VGLL4: variants seen among roughly 807,000 people sequenced by gnomAD.
VGLL4 encodes the protein transcription cofactor vestigial-like protein 4.
VGLL4 carries 7 observed loss-of-function variants against 21.0 expected under a neutral mutation model. That is an observed-to-expected ratio of 0.33 (90% CI 0.19 to 0.63). The LOEUF is 0.63. VGLL4 is among the 20% of genes least tolerant of loss of function. VGLL4 has a pLI of 0.78. For missense variants in VGLL4, 394 were observed against 425.7 expected (o/e 0.93, Z 0.66); for synonymous variants, 222 against 173.2 (o/e 1.28, Z -2.21).
At chr3:11,654,080 A>ACCC (rs35364570) in intron 2 of VGLL4, among the ~76,000 whole-genome samples, 10 of 150,786 alleles carry the variant, frequency 6.6e-5, no homozygotes, top group African/African-American at 2.5e-4. Flanking sequence ...TGCATAGGAC[A>ACCC]CCCCCCACCA....
At chr3:11,577,542 G>A (rs1396524111) in intron 2 of VGLL4, among the ~76,000 whole-genome samples, 2 of 152,114 alleles carry the variant, frequency 1.3e-5, no homozygotes, top group Non-Finnish European at 2.9e-5. Flanking sequence ...GCAGTGAGCC[G>A]AGATCATGCC....
At position 11,568,865 on chromosome 3, in the gene VGLL4, G is replaced by C. The variant is rs2073659056; in HGVS notation, c.273-3846C>G. The C allele has an allele frequency of 7.3e-7, 1 of 1,368,398 alleles. No homozygotes were observed. The highest frequency in any genetic ancestry group is 1.5e-5 in the African/African-American group (1 of 67,792). The allele number at this position is 1,368,398 out of a possible 1,614,324, so 84.8% of individuals were successfully genotyped here. ...GCTCCGTGCCAGGCCTATCAGAGCC[G>C]CTGAGGCTGCACGGCACCCGGCCCC... On this transcript the variant is annotated intron_variant, in intron 2 of 4. Transcript: ENST00000430365. This position sits in a 1 kb window ranked among gnomAD's most constrained non-coding sequence, Gnocchi z 5.9.
intron 2 of VGLL4, among the ~76,000 whole-genome samples, chr3:11,699,311 C>T (rs1183499287): frequency 2.0e-5 from 3 of 152,138 alleles, no homozygotes; most frequent in African/African-American, 7.2e-5. Context: ...GCCTGGTTTT[C>T]GAGCTCAGCA....
intron 1 of VGLL4, among the ~76,000 whole-genome samples, chr3:11,629,015 AG>A (rs141111364): frequency 0.021 from 3,191 of 152,280 alleles, 95 homozygotes; most frequent in African/African-American, 0.072. Context: ...AACTACAGAG[AG>A]GTGTTTGCAT....
chr3:11,593,735 C>A (rs2074562237), intron 2 of VGLL4, among the ~76,000 whole-genome samples: 1 of 152,170 alleles, frequency 6.6e-6, no homozygotes, highest in South Asian at 2.1e-4. Context: ...ACATCGGGCT[C>A]CAGCAAACAC....
intron 2 of VGLL4, among the ~76,000 whole-genome samples, chr3:11,702,382 G>A (rs1248821559): frequency 2.0e-5 from 3 of 148,314 alleles, no homozygotes; most frequent in Non-Finnish European, 4.4e-5. Flanking sequence ...GGCCGAGGTA[G>A]ACGGATCATT....
At chr3:11,628,395 C>CAA (rs796493136) in intron 1 of VGLL4, among the ~76,000 whole-genome samples, 2 of 108,522 alleles carry the variant, frequency 1.8e-5, no homozygotes, top group African/African-American at 6.7e-5. Context: ...TCTCAAAAAA[C>CAA]AAAAAAAAAA....
intron 1 of VGLL4, among the ~76,000 whole-genome samples, chr3:11,715,426 C>T (rs1050685388): frequency 7.9e-5 from 12 of 152,058 alleles, no homozygotes; most frequent in Admixed American, 4.6e-4. Flanking sequence ...CTCCACTTTC[C>T]GGGTTCAAGC....
intron 2 of VGLL4, among the ~76,000 whole-genome samples, chr3:11,578,984 A>G (rs758792244): frequency 1.3e-5 from 2 of 151,848 alleles, no homozygotes; most frequent in African/African-American, 2.4e-5. Flanking sequence ...TCCTGACCTC[A>G]TGATCCGCCC....
chr3:11,626,138 G>C (rs1385347433), intron 1 of VGLL4, among the ~76,000 whole-genome samples: 1 of 152,230 alleles, frequency 6.6e-6, no homozygotes, highest in African/African-American at 2.4e-5. Flanking sequence ...GCACTGGAGA[G>C]AGTAAATATG....
At chr3:11,665,101 CTT>C (rs59999510) in intron 2 of VGLL4, among the ~76,000 whole-genome samples, 41,441 of 96,820 alleles carry the variant, frequency 0.43, 9,319 homozygotes, top group Middle Eastern at 0.5. Context: ...GAATATTTTT[CTT>C]TTTTTTTTTT....
intron 2 of VGLL4, among the ~76,000 whole-genome samples, chr3:11,680,806 G>A (rs1409872300): frequency 6.6e-6 from 1 of 152,204 alleles, no homozygotes; most frequent in Non-Finnish European, 1.5e-5. Flanking sequence ...CCACAGGCAA[G>A]CTGCGAGCCC....
At chr3:11,679,178 G>A (rs2076336540) in intron 2 of VGLL4, among the ~76,000 whole-genome samples, 3 of 152,124 alleles carry the variant, frequency 2.0e-5, no homozygotes, top group Admixed American at 1.3e-4. Flanking sequence ...AGGTCCCTCA[G>A]GAGGTGTCCA....
intron 1 of VGLL4, among the ~76,000 whole-genome samples, chr3:11,711,003 G>A (rs1208721098): frequency 2.0e-5 from 3 of 152,072 alleles, no homozygotes; most frequent in South Asian, 4.1e-4. Context: ...AGGAGGCTGA[G>A]GCAGGAGAAT....
intron 1 of VGLL4, among the ~76,000 whole-genome samples, chr3:11,718,858 C>A (rs2076953286): frequency 6.6e-6 from 1 of 152,098 alleles, no homozygotes; most frequent in African/African-American, 2.4e-5. Context: ...ACATACAGCA[C>A]CGACGATCAA....
chr3:11,575,868 T>C (rs758033954), intron 2 of VGLL4, among the ~76,000 whole-genome samples: 3 of 152,210 alleles, frequency 2.0e-5, no homozygotes, highest in Non-Finnish European at 4.4e-5. Context: ...TGCTTGGCAA[T>C]GTGTGCAGGC....
intron 1 of VGLL4, among the ~76,000 whole-genome samples, chr3:11,605,668 T>C (rs1174910250): frequency 6.6e-6 from 1 of 152,182 alleles, no homozygotes; most frequent in Non-Finnish European, 1.5e-5. Flanking sequence ...ACTCTGGTGC[T>C]TCCCTCCCTA....
At chr3:11,662,840 CA>C (rs2076056243) in intron 2 of VGLL4, among the ~76,000 whole-genome samples, 1 of 152,174 alleles carries the variant, frequency 6.6e-6, no homozygotes, top group East Asian at 1.9e-4. Context: ...ACATGAAAAG[CA>C]GGAGAAGGCT....
rs902245236 is a variant in VGLL4 at position 11,708,612 on chromosome 3, G to A, written c.-13-5565C>T. ...AATGGCCCGAAAAGCTTCAAGCAAG[G>A]AAGTGACAAGTTTATTTTATTTCCT... On this transcript the variant is annotated intron_variant, in intron 1 of 5. Transcript: ENST00000273038. Among the ~76,000 whole-genome samples, 8 of 152,288 alleles carry A rather than the reference G, an allele frequency of 5.3e-5. No homozygotes were observed. The East Asian group carries it at 1.3e-3, about 26-fold the overall frequency.
Sources: allele counts gnomAD v4.1 joint callset (sites outside exome capture counted in the v4.1 genomes callset), GRCh38; gene constraint gnomAD v4.1.1; non-coding constraint Gnocchi (gnomAD v3.1); transcripts MANE v1.5; gene names NCBI Gene and HGNC (gene_info 2026-07-23, HGNC 2026-07-21).